The following ROCK2 variants were observed in gnomAD, a reference collection of about 807,000 sequenced individuals.
ROCK2 encodes rho-associated protein kinase 2.
In ROCK2, 61 loss-of-function variants were observed where a neutral mutation model predicts 195.1. The observed-to-expected ratio is 0.31, with a 90% CI of 0.25 to 0.39. ROCK2 has a LOEUF of 0.39. Ranked by LOEUF, ROCK2 falls within the 10% of genes least tolerant of loss-of-function variation. The probability of loss-of-function intolerance (pLI) is 1.00; values close to 1 mark genes in which losing one functional copy is unlikely to be tolerated. For synonymous variants in ROCK2, 504 were observed against 545.5 expected, an observed-to-expected ratio of 0.92 and a Z score of 1.06; for missense variants, 1,109 against 1,637.4, an observed-to-expected ratio of 0.68 and a Z score of 5.57.
At chr2:11,240,682 T>A (rs1665392221) in intron 4 of ROCK2, among the ~76,000 whole-genome samples, 1 of 152,180 alleles carries the variant, frequency 6.6e-6, no homozygotes. Context: ...TAAAATCAGA[T>A]GGTAGTGGTG....
At chr2:11,245,958 C>T (rs1049198945) in intron 4 of ROCK2, among the ~76,000 whole-genome samples, 2 of 152,016 alleles carry the variant, frequency 1.3e-5, no homozygotes, top group Non-Finnish European at 2.9e-5. Flanking sequence ...TGAACTGCAC[C>T]CTGAGTAACT....
At chr2:11,317,604 A>ATT (rs1455941424) in intron 1 of ROCK2, among the ~76,000 whole-genome samples, 6 of 16,190 alleles carry the variant, frequency 3.7e-4, no homozygotes, top group East Asian at 8.5e-3. Context: ...ATATATATAT[A>ATT]TATATATATT....
chr2:11,249,162 C>G (rs1257869651), intron 4 of ROCK2, among the ~76,000 whole-genome samples: 1 of 152,152 alleles, frequency 6.6e-6, no homozygotes, highest in Non-Finnish European at 1.5e-5. Flanking sequence ...TCCCAAAGTG[C>G]TGGGATTACA....
intron 3 of ROCK2, among the ~76,000 whole-genome samples, chr2:11,282,710 G>A (rs1169498644): frequency 6.6e-6 from 1 of 150,850 alleles, no homozygotes; most frequent in African/African-American, 2.4e-5. Flanking sequence ...TTTAGATATA[G>A]CACCAAAGAC....
chr2:11,259,552 A>C (rs923823921), intron 3 of ROCK2, among the ~76,000 whole-genome samples: 4 of 151,430 alleles, frequency 2.6e-5, no homozygotes, highest in Admixed American at 2.6e-4. Context: ...CAGTTTTGCA[A>C]TCTATAAAGC....
intron 11 of ROCK2, 137 bp from the exon 12 acceptor site, chr2:11,217,306 C>A: frequency 1.4e-6 from 1 of 734,588 alleles, no homozygotes; most frequent in East Asian, 2.6e-5. Flanking sequence ...ATTTGTACCT[C>A]CTTAATGTGA....
chr2:11,286,138 T>C (rs1455717128), intron 3 of ROCK2, among the ~76,000 whole-genome samples: 1 of 149,360 alleles, frequency 6.7e-6, no homozygotes, highest in Admixed American at 6.8e-5. Flanking sequence ...TTCCAATTGG[T>C]ACCAGTATGG....
intron 1 of ROCK2, among the ~76,000 whole-genome samples, chr2:11,306,768 T>C (rs1487873777): frequency 1.3e-5 from 2 of 152,194 alleles, no homozygotes; most frequent in Non-Finnish European, 2.9e-5. Flanking sequence ...CAAAGGAGCT[T>C]AGTGAACAAA....
intron 28 of ROCK2, among the ~76,000 whole-genome samples, chr2:11,194,637 T>C (rs1663557439): frequency 6.6e-6 from 1 of 151,996 alleles, no homozygotes; most frequent in African/African-American, 2.4e-5. Flanking sequence ...CATAATAACA[T>C]CAATAATCAT....
chr2:11,308,430 A>C, intron 1 of ROCK2: 1 of 1,606,430 alleles, frequency 6.2e-7, no homozygotes. Flanking sequence ...GATGAAGAAG[A>C]GGGTGGTGCT....
chr2:11,276,649 A>G (rs1666836650), intron 3 of ROCK2, among the ~76,000 whole-genome samples: 1 of 152,202 alleles, frequency 6.6e-6, no homozygotes, highest in African/African-American at 2.4e-5. Flanking sequence ...GCAAAAATAG[A>G]AATAGAGGAA....
At chr2:11,198,870 AC>A in intron 23 of ROCK2, 96 bp from the exon 24 acceptor site, 1 of 713,252 alleles carries the variant, frequency 1.4e-6, no homozygotes, top group South Asian at 2.1e-5. Context: ...ATATTGTTAA[AC>A]CTCTTATTTT....
At chr2:11,298,543 T>C (rs1667608364) in intron 1 of ROCK2, among the ~76,000 whole-genome samples, 1 of 152,028 alleles carries the variant, frequency 6.6e-6, no homozygotes, top group Admixed American at 6.5e-5. Flanking sequence ...TCATTGTGCT[T>C]AGACATTTTC....
In ROCK2 at chr2:11,260,170, G is replaced by A. The variant is rs570887997; in HGVS notation, c.325-10372C>T. ...GTGTTAAAAAGAAGTTGCTTAGGCC[G>A]GGTGTGGTGGCTCACGCCTGTAATC... On this transcript the variant is annotated intron_variant, in intron 3 of 32. Transcript: ENST00000315872. Among the ~76,000 whole-genome samples the A allele has an allele frequency of 4.6e-5, 7 of 151,510 alleles. No individual in the cohort carries two copies. In the East Asian group the frequency reaches 5.8e-4, roughly 13 times the overall value.
chr2:11,217,372 A>G, intron 11 of ROCK2: 1 of 662,116 alleles, frequency 1.5e-6, no homozygotes, highest in Non-Finnish European at 2.8e-6. Context: ...CAGAGTACAC[A>G]TGTATATATG....
intron 1 of ROCK2, among the ~76,000 whole-genome samples, chr2:11,334,503 T>G (rs1216782445): frequency 1.0e-5 from 1 of 99,102 alleles, no homozygotes; most frequent in Non-Finnish European, 1.9e-5. Flanking sequence ...AGAGAGAGAC[T>G]CTGTCTCAAA....
intron 1 of ROCK2, among the ~76,000 whole-genome samples, chr2:11,295,183 A>C (rs1483569226): frequency 6.6e-6 from 1 of 152,106 alleles, no homozygotes; most frequent in Non-Finnish European, 1.5e-5. Flanking sequence ...ATACAATGTT[A>C]CCTGAAACTC....
rs1662931271 is a variant in ROCK2, at chr2:11,180,285, G to A, written c.*3152C>T. ...AGCAGCATAACTTCTTAAAACTGTG[G>A]TGTGGCAACCTAGAGTATTTCTGTT... On this transcript the variant is annotated 3_prime_UTR_variant, in exon 33 of 33. Coordinates refer to ENST00000315872, the MANE Select transcript of ROCK2 (RefSeq NM_004850.5). 1 of 152,174 alleles carries A rather than the reference G, an allele frequency of 6.6e-6. No homozygotes were observed. The highest frequency in any genetic ancestry group is 2.1e-4 in the South Asian group (1 of 4,834). The allele number at this position is 152,174 out of a possible 1,614,324, so 9.4% of individuals were successfully genotyped here. A position where few individuals can be genotyped will look rare whatever the true frequency, so the allele number is the denominator to read the frequency against.
intron 6 of ROCK2, 36 bp downstream of exon 6, chr2:11,227,218 A>G (rs766492589): frequency 6.4e-7 from 1 of 1,557,362 alleles, no homozygotes; most frequent in African/African-American, 1.4e-5. Flanking sequence ...TATTATAAGA[A>G]GCATTTTGAA....
Sources: gnomAD v4.1 joint callset for allele counts (sites outside exome capture counted in the v4.1 genomes callset) on GRCh38, gnomAD v4.1.1 for gene constraint, MANE v1.5 for transcripts, NCBI Gene and HGNC (gene_info 2026-07-23, HGNC 2026-07-21) for gene names.